The following MTMR12 variants were observed in gnomAD, a reference collection of about 807,000 sequenced individuals.
MTMR12 encodes the protein myotubularin related protein 12.
In MTMR12, 33 loss-of-function variants were observed where a neutral mutation model predicts 96.7. The ratio of observed to expected loss-of-function variants is 0.34; its 90% CI spans 0.26 to 0.46. MTMR12 has a LOEUF of 0.46. Ranked by LOEUF, MTMR12 falls within the 20% of genes least tolerant of loss-of-function variation. The probability of loss-of-function intolerance (pLI) is 1.00; values close to 1 mark genes in which losing one functional copy is unlikely to be tolerated. For missense variants in MTMR12, 721 were observed against 896.1 expected (o/e 0.80, Z 2.49); for synonymous variants, 298 against 327.2 (o/e 0.91, Z 0.96).
At chr5:32,247,931 A>G in intron 10 of MTMR12, 71 bp downstream of exon 10, 4 of 1,560,418 alleles carry the variant, frequency 2.6e-6, no homozygotes, top group Non-Finnish European at 3.5e-6. Flanking sequence ...AAAGGCACCA[A>G]CTTTCACCTG....
Position 32,227,180 on chromosome 5 carries a change from G to C in MTMR12, c.*2598C>G, listed in dbSNP as rs1407324912. On this transcript the variant is annotated 3_prime_UTR_variant, in exon 16 of 16. Coordinates refer to ENST00000382142, the MANE Select transcript of MTMR12 (RefSeq NM_001040446.3). The stretch of plus-strand genomic sequence containing the variant: ...TTGAATTAAAGCTAGTTTATCTTCA[G>C]TGTAAAAACTTGGAGGTATAAACAA... The C allele has an allele frequency of 6.6e-6, 1 of 152,622 alleles. No homozygotes were observed. Among genetic ancestry groups the C allele is most frequent in the African/African-American group, 2.4e-5 (1 of 41,438 alleles). The allele number at this position is 152,622 out of a possible 1,614,324, so 9.5% of individuals were successfully genotyped here.
At position 32,309,937 on chromosome 5, in the gene MTMR12, A is replaced by T. The variant is rs114698813; in HGVS notation, c.81+2821T>A. On this transcript the variant is annotated intron_variant, in intron 1 of 15. Coordinates refer to ENST00000382142, the MANE Select transcript of MTMR12 (RefSeq NM_001040446.3). ...ACGTAAATCAATACAACCACTGTGG[A>T]GAACAGTACGGAGGTTCCTCAAAAA... Among the ~76,000 whole-genome samples the T allele has an allele frequency of 3.9e-3, 587 of 152,328 alleles. 3 individuals carry two copies. The highest frequency in any genetic ancestry group is 6.1e-3 in the Non-Finnish European group (416 of 68,022).
intron 13 of MTMR12, among the ~76,000 whole-genome samples, chr5:32,238,466 G>A (rs1309926002): frequency 6.6e-6 from 1 of 152,160 alleles, no homozygotes; most frequent in Non-Finnish European, 1.5e-5. Flanking sequence ...TGGGATTACA[G>A]GTGCAAACCA....
intron 7 of MTMR12, among the ~76,000 whole-genome samples, chr5:32,256,719 A>C (rs1749152871): frequency 6.6e-6 from 1 of 152,254 alleles, no homozygotes; most frequent in African/African-American, 2.4e-5. Flanking sequence ...GTTACAATGG[A>C]AAATAATCAA....
At position 32,229,798 on chromosome 5, in the gene MTMR12, C is replaced by G; in HGVS notation, c.2224G>C (p.Val742Leu). 1 of 1,545,204 alleles carries G rather than the reference C, an allele frequency of 6.5e-7. No individual in the cohort carries two copies. Among genetic ancestry groups the G allele is most frequent in the Non-Finnish European group, 8.7e-7 (1 of 1,146,010 alleles). The change falls in exon 16 of 16, where the codon GTG (valine) becomes CTG (leucine). Residue 742 changes from valine (V) to leucine (L), a missense_variant. Transcript: ENST00000382142. ...ACAGGTCACACATCCCCTAGGTCCACGAACTCATCTTCTCGTTTGGCCAAA... is the reference window on the plus strand; with the variant it reads ...ACAGGTCACACATCCCCTAGGTCCAGGAACTCATCTTCTCGTTTGGCCAAA... Reference protein sequence around the residue: ...DDLAKREDEFVDLGDV With the variant: ...DDLAKREDEFLDLGDV
At chr5:32,247,696 T>C (rs1365541580) in intron 10 of MTMR12, 1 of 949,384 alleles carries the variant, frequency 1.1e-6, no homozygotes, top group Non-Finnish European at 1.3e-6. Context: ...ACTACATAGT[T>C]CAAAAACTTT....
At chr5:32,291,568 G>A (rs1019528694) in intron 1 of MTMR12, among the ~76,000 whole-genome samples, 1 of 152,168 alleles carries the variant, frequency 6.6e-6, no homozygotes, top group Non-Finnish European at 1.5e-5. Flanking sequence ...CTCAGCAGAG[G>A]AGCATTTTAA....
intron 3 of MTMR12, among the ~76,000 whole-genome samples, chr5:32,272,306 A>G (rs1203048507): frequency 6.6e-6 from 1 of 152,052 alleles, no homozygotes; most frequent in Non-Finnish European, 1.5e-5. Context: ...TAAATAAATA[A>G]ATAAATAAAA....
At chr5:32,255,384 C>T (rs1348018288) in intron 8 of MTMR12, among the ~76,000 whole-genome samples, 1 of 152,180 alleles carries the variant, frequency 6.6e-6, no homozygotes, top group Non-Finnish European at 1.5e-5. Flanking sequence ...CTACCCTTGG[C>T]GTGCTTTGGC....
At chr5:32,310,509 G>C (rs1429357714) in intron 1 of MTMR12, among the ~76,000 whole-genome samples, 2 of 152,206 alleles carry the variant, frequency 1.3e-5, no homozygotes, top group African/African-American at 4.8e-5. Context: ...ACAATGAACA[G>C]AACTGGAGGT....
intron 7 of MTMR12, 48 bp downstream of exon 7, chr5:32,263,065 C>T (rs1307842760): frequency 2.5e-6 from 4 of 1,605,310 alleles, no homozygotes; most frequent in Non-Finnish European, 3.4e-6. Flanking sequence ...ACACTGTACA[C>T]TTTTAATGGG....
Position 32,227,512 on chromosome 5 carries a change from AC to A in MTMR12, c.*2265del, listed in dbSNP as rs1242503317. 1.3e-5 allele frequency: 2 copies of A among 152,686 alleles called. No individual in the cohort carries two copies. The highest frequency in any genetic ancestry group is 4.8e-5 in the African/African-American group (2 of 41,468). The allele number at this position is 152,686 out of a possible 1,614,324, so 9.5% of individuals were successfully genotyped here. ...TGTCAATGCACATTCAACTGCTATGACAAAGGCCATGACCTTGTGCCTTTAA... is the reference window on the plus strand; with the variant it reads ...TGTCAATGCACATTCAACTGCTATGAAAAGGCCATGACCTTGTGCCTTTAA... On this transcript the variant is annotated 3_prime_UTR_variant, in exon 16 of 16. Coordinates refer to ENST00000382142, the MANE Select transcript of MTMR12 (RefSeq NM_001040446.3).
intron 7 of MTMR12, among the ~76,000 whole-genome samples, chr5:32,261,292 C>T (rs1280739514): frequency 6.6e-6 from 1 of 152,006 alleles, no homozygotes; most frequent in Non-Finnish European, 1.5e-5. Flanking sequence ...CACTGTCCTC[C>T]CATCAAAGTC....
chr5:32,282,093 G>A (rs1037393519), intron 1 of MTMR12, among the ~76,000 whole-genome samples: 10 of 151,812 alleles, frequency 6.6e-5, no homozygotes, highest in South Asian at 2.1e-4. Context: ...CAATCATCAC[G>A]AGCATCAGGC....
intron 5 of MTMR12, among the ~76,000 whole-genome samples, chr5:32,270,061 C>T (rs574617411): frequency 6.6e-6 from 1 of 152,284 alleles, no homozygotes; most frequent in Admixed American, 6.5e-5. Flanking sequence ...GCAGCCAAGA[C>T]AGTATACATG....
intron 8 of MTMR12, 85 bp from the exon 9 acceptor site, chr5:32,248,963 G>A: frequency 2.0e-6 from 2 of 1,013,244 alleles, no homozygotes; most frequent in South Asian, 1.3e-5. Context: ...ATGCATACAG[G>A]GAAATCTGTA....
Position 32,243,548 on chromosome 5 carries a change from T to G in MTMR12, c.1073A>C (p.Glu358Ala), listed in dbSNP as rs756618000. The change falls in exon 11 of 16, where the codon GAA becomes GCA. Residue 358 changes from glutamate (E) to alanine (A), a missense_variant. Transcript: ENST00000382142. ...DTDIKWFSLL[E>A]SSSWLDIIRR... ...GATTATGTCAAGCCAGCTGCTACTT[T>G]CCAACAGAGAAAACCATTTTATATC... 1 of 1,612,518 alleles carries G rather than the reference T, an allele frequency of 6.2e-7. No homozygotes were observed. Among genetic ancestry groups the G allele is most frequent in the Non-Finnish European group, 8.5e-7 (1 of 1,178,816 alleles).
At position 32,248,909 on chromosome 5, in the gene MTMR12, C is replaced by T. The variant is rs369712153; in HGVS notation, c.790-31G>A. On this transcript the variant is annotated intron_variant, in intron 8 of 15. Transcript: ENST00000382142. Reference sequence around the variant, plus strand: ...GAAACAAATAAAGCTTTACCAGATACAATAAACACAACCCAACAGGGGACA... The same window carrying T: ...GAAACAAATAAAGCTTTACCAGATATAATAAACACAACCCAACAGGGGACA... 166 of 1,535,962 alleles carry T rather than the reference C, an allele frequency of 1.1e-4. No individual in the cohort carries two copies. In the African/African-American group the frequency reaches 2.0e-3, roughly 19 times the overall value.
intron 1 of MTMR12, 135 bp from the exon 2 acceptor site, chr5:32,276,877 T>A: frequency 2.6e-4 from 16 of 61,124 alleles, no homozygotes; most frequent in East Asian, 8.7e-4. Flanking sequence ...AAGCTACTTT[T>A]TTTTTTTTTT....
Sources: allele counts gnomAD v4.1 joint callset (sites outside exome capture counted in the v4.1 genomes callset), GRCh38; gene constraint gnomAD v4.1.1; transcripts MANE v1.5; gene names NCBI Gene and HGNC (gene_info 2026-07-23, HGNC 2026-07-21).